SPTA1: variants seen among roughly 807,000 people sequenced by gnomAD.
SPTA1 encodes the protein spectrin alpha, erythrocytic 1, also known as spectrin alpha chain, erythrocytic 1.
Under a neutral mutation model 324.7 loss-of-function variants are expected in SPTA1, and 177 were observed. The observed-to-expected ratio is 0.55, with a 90% CI of 0.48 to 0.62. The LOEUF is 0.62. SPTA1 is among the 20% of genes least tolerant of loss of function. SPTA1 has a pLI of 0.00. For synonymous variants in SPTA1, 1,195 were observed against 1,041.3 expected, an observed-to-expected ratio of 1.15 and a Z score of -2.84; for missense variants, 3,162 against 2,883.6, an observed-to-expected ratio of 1.10 and a Z score of -2.21.
At chr1:158,679,042 T>G (rs1654606170) in intron 5 of SPTA1, among the ~76,000 whole-genome samples, 1 of 152,146 alleles carries the variant, frequency 6.6e-6, no homozygotes, top group Non-Finnish European at 1.5e-5. Flanking sequence ...CAGGCATTTT[T>G]GCAAACCATC....
rs1275731018 is a variant in SPTA1 at position 158,627,742 on chromosome 1, G to A, written c.5566-19C>T. 5 of 1,606,218 alleles carry A rather than the reference G, an allele frequency of 3.1e-6. No homozygotes were observed. The highest frequency in any genetic ancestry group is 4.2e-6 in the Non-Finnish European group (5 of 1,176,690). On this transcript the variant is annotated intron_variant, in intron 39 of 51. Coordinates refer to ENST00000643759, the MANE Select transcript of SPTA1 (RefSeq NM_003126.4). ...GCAAGCTCTGCATAAATAAGTCGGT[G>A]AGAATTAAGATATCCAAAGCCGGAA...
In SPTA1 at chr1:158,652,483, A is replaced by T. The variant is rs376284347; in HGVS notation, c.3359T>A (p.Phe1120Tyr). The change falls in exon 23 of 52, where the codon TTT (phenylalanine) becomes TAT (tyrosine). Residue 1120 changes from phenylalanine to tyrosine, a missense_variant. Coordinates refer to ENST00000643759, the MANE Select transcript of SPTA1 (RefSeq NM_003126.4). ...LDDVWELQKK[F>Y]DEFQKDLNTN... is the part of the protein sequence containing the mutation. ...CTTTCTCACCTTTTGGAACTCATCA[A>T]ACTTTTTCTGCAGCTCCCAAACATC... is the stretch of plus-strand genomic sequence containing the variant. 5 of 1,614,052 alleles carry T rather than the reference A, an allele frequency of 3.1e-6. No homozygotes were observed. The African/African-American group carries it at 6.7e-5, about 22-fold the overall frequency.
In SPTA1 at chr1:158,648,531, T is replaced by A; in HGVS notation, c.3692A>T (p.Asp1231Val). 1 of 1,613,836 alleles carries A rather than the reference T, an allele frequency of 6.2e-7. No homozygotes were observed. Among genetic ancestry groups the A allele is most frequent in the Non-Finnish European group, 8.5e-7 (1 of 1,179,920 alleles). Residue 1231 changes from aspartate to valine, a missense_variant, in exon 26 of 52, where the codon GAC becomes GTC. Transcript: ENST00000643759. ...LQRRHEGFER[D>V]LVPLGDKVTI... ...CACCTTATCTCCCAGGGGTACGAGG[T>A]CCCTTTCAAAGCCCTCATGCCGTCG...
chr1:158,672,133 A>G lies in SPTA1; in HGVS notation c.1414T>C (p.Tyr472His). The G allele has an allele frequency of 6.2e-7, 1 of 1,614,104 alleles. No individual in the cohort carries two copies. The change falls in exon 11 of 52, where the codon TAT becomes CAT. Residue 472 changes from tyrosine (Y) to histidine (H), a missense_variant. By Grantham distance (83) the Tyr-to-His change is moderately conservative. Transcript: ENST00000643759. ...AGATGAAAGTCCAAGCACTGCTCAT[A>G]CTGACGATGACGCTCGTCCCACAGT... ...LELWDERHRQ[Y>H]EQCLDFHLFY... is the part of the protein sequence containing the mutation.
chr1:158,685,442 T>A, intron 1 of SPTA1, 95 bp from the exon 2 acceptor site: 1 of 1,534,068 alleles, frequency 6.5e-7, no homozygotes, highest in Non-Finnish European at 8.9e-7. Flanking sequence ...ATGTTGGACC[T>A]ATATTCAGAT....
chr1:158,615,673 T>C (rs1239045093), intron 47 of SPTA1, among the ~76,000 whole-genome samples: 1 of 150,760 alleles, frequency 6.6e-6, no homozygotes, highest in Non-Finnish European at 1.5e-5. Context: ...CATACATCTA[T>C]ATCTATATAT....
At position 158,675,840 on chromosome 1, in the gene SPTA1, C is replaced by T. The variant is rs187508048; in HGVS notation, c.1112+301G>A. On this transcript the variant is annotated intron_variant, in intron 8 of 51. Coordinates refer to ENST00000643759, the MANE Select transcript of SPTA1 (RefSeq NM_003126.4). ...AAAGTGGACCAGCCAGAAATTTTATCATGCCTCTTAGAATAATAAGCAATT... is the reference window on the plus strand; with the variant it reads ...AAAGTGGACCAGCCAGAAATTTTATTATGCCTCTTAGAATAATAAGCAATT... Among the ~76,000 whole-genome samples, 10 of 152,276 alleles carry T rather than the reference C, an allele frequency of 6.6e-5. No homozygotes were observed. In the East Asian group the frequency reaches 1.7e-3, roughly 26 times the overall value.
At chr1:158,626,417 G>T (rs1301968187) in intron 41 of SPTA1, among the ~76,000 whole-genome samples, 195 bp from the exon 42 acceptor site, 4 of 152,030 alleles carry the variant, frequency 2.6e-5, no homozygotes, top group Admixed American at 6.6e-5. Flanking sequence ...ACGAAACAGA[G>T]CTAGGGTCTT....
At chr1:158,632,357 T>C (rs1423131586) in intron 39 of SPTA1, among the ~76,000 whole-genome samples, 1 of 152,200 alleles carries the variant, frequency 6.6e-6, no homozygotes, top group Non-Finnish European at 1.5e-5. Context: ...AGAGCATTTC[T>C]ATACAGCCTA....
Position 158,613,856 on chromosome 1 carries a change from T to C in SPTA1, c.6854A>G (p.Glu2285Gly). The C allele has an allele frequency of 6.2e-7, 1 of 1,613,752 alleles. No individual in the cohort carries two copies. The highest frequency in any genetic ancestry group is 8.5e-7 in the Non-Finnish European group (1 of 1,179,898). The change falls in exon 50 of 52, where the codon GAG (glutamate) becomes GGG (glycine). Residue 2285 changes from glutamate to glycine, a missense_variant. Transcript: ENST00000643759. ...GTGAGTCAGGCGCCCTGTCAAATTC[T>C]CATCAAAGTGTCTAAAGGATAAAAA... ...EFSTIYKHFD[E>G]NLTGRLTHKE...
chr1:158,631,954 A>T (rs188005513), intron 39 of SPTA1, among the ~76,000 whole-genome samples: 1 of 152,334 alleles, frequency 6.6e-6, no homozygotes, highest in East Asian at 1.9e-4. Context: ...TTTATCCAAA[A>T]GGATAAGGAA....
chr1:158,659,208 A>T (rs1202637802), intron 18 of SPTA1, among the ~76,000 whole-genome samples: 1 of 152,126 alleles, frequency 6.6e-6, no homozygotes, highest in Non-Finnish European at 1.5e-5. Context: ...CACCAATAGC[A>T]CAAGGGTGAA....
At chr1:158,644,481 C>G (rs1651849529) in intron 29 of SPTA1, 85 bp from the exon 30 acceptor site, 2 of 1,549,186 alleles carry the variant, frequency 1.3e-6, no homozygotes, top group Non-Finnish European at 1.8e-6. Flanking sequence ...GATCATGACA[C>G]AAAGGGTTTT....
At chr1:158,672,036 A>T in intron 11 of SPTA1, 23 bp downstream of exon 11, 1 of 1,613,410 alleles carries the variant, frequency 6.2e-7, no homozygotes, top group South Asian at 1.1e-5. Flanking sequence ...ACTTCTAGAG[A>T]TGGTATGGAC....
intron 24 of SPTA1, among the ~76,000 whole-genome samples, chr1:158,650,578 C>T (rs190220771): frequency 3.3e-4 from 50 of 152,308 alleles, no homozygotes; most frequent in Non-Finnish European, 5.3e-4. Context: ...TTCTTCAGCA[C>T]GTTGATCAGA....
At chr1:158,651,880 GCTCTCTCTCTCT>G (rs60287443) in intron 23 of SPTA1, among the ~76,000 whole-genome samples, 24 of 149,394 alleles carry the variant, frequency 1.6e-4, no homozygotes, top group African/African-American at 4.2e-4. Context: ...TCTAGGGAGT[GCTCTCTCTCTCT>G]CTCTCTCTCT....
In SPTA1 at chr1:158,651,396, G is replaced by C; in HGVS notation, c.3448C>G (p.Leu1150Val). The change falls in exon 24 of 52, where the codon CTA becomes GTA. Residue 1150 changes from leucine (L) to valine (V), a missense_variant. Coordinates refer to ENST00000643759, the MANE Select transcript of SPTA1 (RefSeq NM_003126.4). ...VADDLLFEGL[L>V]TPEGAQIRQE... ...CGGATTTGAGCTCCTTCTGGTGTTAGAAGTCCTTCAAATAGTAGATCATCA... is the reference window on the plus strand; with the variant it reads ...CGGATTTGAGCTCCTTCTGGTGTTACAAGTCCTTCAAATAGTAGATCATCA... 6.2e-7 allele frequency: 1 copy of C among 1,613,856 alleles called. No homozygotes were observed. The highest frequency in any genetic ancestry group is 8.5e-7 in the Non-Finnish European group (1 of 1,179,796).
intron 4 of SPTA1, 57 bp from the exon 5 acceptor site, chr1:158,680,786 C>G: frequency 1.2e-6 from 2 of 1,605,392 alleles, no homozygotes; most frequent in Non-Finnish European, 1.7e-6. Context: ...TTCTGTAGGT[C>G]AAAAACTCAA....
At chr1:158,613,525 C>T (rs906354787) in intron 50 of SPTA1, among the ~76,000 whole-genome samples, 196 bp downstream of exon 50, 3 of 152,092 alleles carry the variant, frequency 2.0e-5, no homozygotes, top group Non-Finnish European at 2.9e-5. Flanking sequence ...AGCTAGTCCT[C>T]GAGTTAAAGT....
Sources: gnomAD v4.1 joint callset for allele counts (sites outside exome capture counted in the v4.1 genomes callset) on GRCh38, gnomAD v4.1.1 for gene constraint, MANE v1.5 for transcripts, NCBI Gene and HGNC (gene_info 2026-07-23, HGNC 2026-07-21) for gene names.